The following PTCD3 variants were observed in gnomAD, a reference collection of about 807,000 sequenced individuals.
PTCD3 encodes pentatricopeptide repeat domain 3, also known as small ribosomal subunit protein mS39.
PTCD3 carries 89 observed loss-of-function variants against 101.9 expected under a neutral mutation model. That is an observed-to-expected ratio of 0.87 (90% CI 0.74 to 1.04). The LOEUF (loss-of-function observed/expected upper bound fraction) is 1.04, where lower values mean the gene tolerates loss of function less well. PTCD3 is among the 50% of genes least tolerant of loss of function. The probability of loss-of-function intolerance (pLI) is 0.00; values close to 1 mark genes in which losing one functional copy is unlikely to be tolerated. For synonymous variants in PTCD3, 296 were observed against 278.5 expected (o/e 1.06, Z -0.63); for missense variants, 870 against 828.2 (o/e 1.05, Z -0.62).
chr2:86,115,083 C>T (rs4832246), intron 4 of PTCD3, among the ~76,000 whole-genome samples: 99,685 of 152,064 alleles, frequency 0.66, 38,450 homozygotes, highest in Non-Finnish European at 0.84. Flanking sequence ...GCACAAAACA[C>T]GTTGTACAAA....
intron 10 of PTCD3, 24 bp downstream of exon 10, chr2:86,125,106 G>A (rs775320542): frequency 1.2e-6 from 2 of 1,611,330 alleles, no homozygotes; most frequent in Admixed American, 1.7e-5. Context: ...ATTTATTTTT[G>A]TCTTTCATTT....
intron 21 of PTCD3, chr2:86,136,045 C>T (rs372355480): frequency 3.9e-6 from 2 of 518,752 alleles, no homozygotes; most frequent in Non-Finnish European, 7.7e-6. Context: ...TGAACCCCTG[C>T]TGTACTTTAA....
In PTCD3 at chr2:86,139,816, C is replaced by G. The variant is rs1674652349; in HGVS notation, c.*2257C>G. 6.6e-6 allele frequency: 1 copy of G among 151,538 alleles called. No individual in the cohort carries two copies. The highest frequency in any genetic ancestry group is 1.5e-5 in the Non-Finnish European group (1 of 67,950). 9.4% of individuals were successfully genotyped at this position (151,538 alleles called of 1,614,324 possible). ...CCTTGTCTCCAAGAAAAAAAAAAAG[C>G]AAATGGGATTAAGGACTCATGGAAT... On this transcript the variant is annotated 3_prime_UTR_variant, in exon 24 of 24. Transcript: ENST00000254630.
intron 21 of PTCD3, chr2:86,136,085 C>T (rs1674579855): frequency 3.9e-6 from 2 of 512,056 alleles, no homozygotes; most frequent in Non-Finnish European, 7.8e-6. Flanking sequence ...CTGTTCTATG[C>T]CTCTTTTCCA....
chr2:86,127,947 C>G lies in PTCD3; in HGVS notation c.1103C>G (p.Ser368Trp). ...GTCTACCTGGTAATTTGAGAACCCT[C>G]GCTTGCAACATATCACCATATTATT... is the stretch of plus-strand genomic sequence containing the variant. Reference protein sequence around the residue: ...REMKAIGIEPSLATYHHIIRL... With the variant: ...REMKAIGIEPWLATYHHIIRL... Residue 368 changes from serine (S) to tryptophan (W), a missense_variant, in exon 14 of 24, where the codon TCG becomes TGG. Transcript: ENST00000254630. 1 of 1,609,908 alleles carries G rather than the reference C, an allele frequency of 6.2e-7. No individual in the cohort carries two copies. The highest frequency in any genetic ancestry group is 1.1e-5 in the South Asian group (1 of 90,972).
At chr2:86,126,837 C>CAAA (rs1001983868) in intron 12 of PTCD3, among the ~76,000 whole-genome samples, 1 of 122,336 alleles carries the variant, frequency 8.2e-6, no homozygotes, top group African/African-American at 2.9e-5. Context: ...AACTTTGTCT[C>CAAA]AAAAAAAAAA....
In PTCD3 at chr2:86,117,155, T is replaced by C. The variant is rs373496368; in HGVS notation, c.410T>C (p.Ile137Thr). The part of the protein sequence containing the change: ...YFQKDIAEPH[I>T]PCLMPEYFEP... ...CAGAAGGACATAGCTGAACCTCATA[T>C]ACCGGTAAGGAGAGGTAGTTACATT... The change falls in exon 6 of 24, where the codon ATA (isoleucine) becomes ACA (threonine). Residue 137 changes from isoleucine (I) to threonine (T), a missense_variant. Ile to Thr is a moderately conservative substitution (Grantham distance 89, BLOSUM62 -1). Coordinates refer to ENST00000254630, the MANE Select transcript of PTCD3 (RefSeq NM_017952.6). The C allele has an allele frequency of 3.5e-6, 4 of 1,129,884 alleles. No homozygotes were observed. In the African/African-American group the frequency reaches 6.1e-5, roughly 17 times the overall value. 70.0% of individuals were successfully genotyped at this position (1,129,884 alleles called of 1,614,324 possible).
At chr2:86,134,519 C>A in intron 20 of PTCD3, 142 bp downstream of exon 20, 1 of 707,482 alleles carries the variant, frequency 1.4e-6, no homozygotes, top group Non-Finnish European at 2.4e-6. Flanking sequence ...ACATATCTTG[C>A]CCTTAGCAGA....
In PTCD3 at chr2:86,137,644, T is replaced by G. The variant is rs2104464639; in HGVS notation, c.*85T>G. 6.4e-7 allele frequency: 1 copy of G among 1,566,668 alleles called. No homozygotes were observed. The highest frequency in any genetic ancestry group is 8.7e-7 in the Non-Finnish European group (1 of 1,155,138). ...ACTGAGATATACCAATATTTAACATTGTTACAAAGAAGAAAAGATACAGAT... is the reference window on the plus strand; with the variant it reads ...ACTGAGATATACCAATATTTAACATGGTTACAAAGAAGAAAAGATACAGAT... On this transcript the variant is annotated 3_prime_UTR_variant, in exon 24 of 24. Transcript: ENST00000254630.
chr2:86,108,925 G>T (rs2194486), intron 3 of PTCD3: 3 of 175,116 alleles, frequency 1.7e-5, no homozygotes, highest in Non-Finnish European at 2.4e-5. Flanking sequence ...AGTAAATGGT[G>T]TGGACAGCAA....
At chr2:86,123,252 ACT>A (rs1326206107) in intron 8 of PTCD3, among the ~76,000 whole-genome samples, 2 of 117,890 alleles carry the variant, frequency 1.7e-5, no homozygotes, top group African/African-American at 3.0e-5. Flanking sequence ...AGAGAGCGAG[ACT>A]CTGTCTTAAA....
intron 11 of PTCD3, 130 bp downstream of exon 11, chr2:86,125,645 A>C: frequency 8.9e-7 from 1 of 1,128,236 alleles, no homozygotes; most frequent in East Asian, 2.4e-5. Context: ...TGATTGAAGC[A>C]AGAGTAGAGA....
intron 3 of PTCD3, chr2:86,108,925 G>A (rs2194486): frequency 0.28 from 49,809 of 175,086 alleles, 8,490 homozygotes; most frequent in East Asian, 0.49. Context: ...AGTAAATGGT[G>A]TGGACAGCAA....
At chr2:86,111,368 C>T (rs920245781) in intron 4 of PTCD3, among the ~76,000 whole-genome samples, 1 of 152,052 alleles carries the variant, frequency 6.6e-6, no homozygotes, top group Non-Finnish European at 1.5e-5. Context: ...GCAGGTGGAT[C>T]ACAAGGTCAG....
At chr2:86,127,410 A>G in intron 13 of PTCD3, 105 bp downstream of exon 13, 1 of 1,338,070 alleles carries the variant, frequency 7.5e-7, no homozygotes, top group Non-Finnish European at 1.0e-6. Flanking sequence ...CTTACATAAT[A>G]TGTTGGAAAT....
chr2:86,123,281 A>T (rs931324375), intron 8 of PTCD3, among the ~76,000 whole-genome samples: 1 of 149,678 alleles, frequency 6.7e-6, no homozygotes, highest in African/African-American at 2.4e-5. Flanking sequence ...AAAAAAAAGA[A>T]GTCTTAGTTT....
In PTCD3 at chr2:86,133,360, C is replaced by T; in HGVS notation, c.1467C>T (p.His489=). ...EDLIPSAYFP[H]SQTMIHLLQA... ...CTCTTAATCAGGCCTACTTTCCCCA[C>T]TCCCAAACAATGATACATCTTCTCC... Residue 489 remains histidine, a synonymous_variant, in exon 19 of 24, where the codon CAC becomes CAT. Transcript: ENST00000254630. 6.2e-7 allele frequency: 1 copy of T among 1,614,160 alleles called. No individual in the cohort carries two copies. The highest frequency in any genetic ancestry group is 8.5e-7 in the Non-Finnish European group (1 of 1,179,996).
intron 10 of PTCD3, 50 bp from the exon 11 acceptor site, chr2:86,125,405 G>A: frequency 6.5e-7 from 1 of 1,543,460 alleles, no homozygotes. Context: ...AAATGTGCAA[G>A]GACTTCTTAA....
rs1301443881 is a variant in PTCD3, at chr2:86,141,684, G to T, written c.*4125G>T. The T allele has an allele frequency of 2.0e-5, 3 of 152,196 alleles. No homozygotes were observed. Among genetic ancestry groups the T allele is most frequent in the Non-Finnish European group, 4.4e-5 (3 of 68,036 alleles). The allele number at this position is 152,196 out of a possible 1,614,324, so 9.4% of individuals were successfully genotyped here. ...CTGTCCTACATCAGTGAGGAGGGAG[G>T]CAATAAAGTAATTTCAGAGTAAAAC... is the stretch of plus-strand genomic sequence containing the variant. On this transcript the variant is annotated 3_prime_UTR_variant, in exon 24 of 24. Transcript: ENST00000254630.
Sources: gnomAD v4.1 joint callset for allele counts (sites outside exome capture counted in the v4.1 genomes callset) on GRCh38, gnomAD v4.1.1 for gene constraint, MANE v1.5 for transcripts, NCBI Gene and HGNC (gene_info 2026-07-23, HGNC 2026-07-21) for gene names.